NALCN: variants seen among roughly 807,000 people sequenced by gnomAD.
NALCN encodes sodium leak channel NALCN.
NALCN carries 111 observed loss-of-function variants against 225.3 expected under a neutral mutation model. The ratio of observed to expected loss-of-function variants is 0.49; its 90% CI spans 0.42 to 0.58. The LOEUF (loss-of-function observed/expected upper bound fraction) is 0.58, where lower values mean the gene tolerates loss of function less well. NALCN is among the 20% of genes least tolerant of loss of function. NALCN has a pLI of 0.00. For missense variants in NALCN, 1,378 were observed against 2,202.4 expected (o/e 0.63, Z 7.49); for synonymous variants, 764 against 769.0 (o/e 0.99, Z 0.11).
rs577872066 is a variant in NALCN at position 101,080,484 on chromosome 13, TATAA to T, written c.3885+1039_3885+1042del. ...TATTAAATTGTTAATAATTAAATTA[TATAA>T]ATAATTATAATTACATAAGTATAAT... On this transcript the variant is annotated intron_variant, in intron 34 of 43. Coordinates refer to ENST00000251127, the MANE Select transcript of NALCN (RefSeq NM_052867.4). Among the ~76,000 whole-genome samples the T allele has an allele frequency of 2.8e-3, 413 of 148,058 alleles. 2 individuals carry two copies. Among genetic ancestry groups the T allele is most frequent in the African/African-American group, 9.5e-3 (389 of 40,788 alleles).
intron 16 of NALCN, among the ~76,000 whole-genome samples, chr13:101,143,515 A>G (rs912411325): frequency 6.6e-6 from 1 of 150,714 alleles, no homozygotes; most frequent in African/African-American, 2.4e-5. Context: ...CCCAGGCTGG[A>G]GTGCAATGGT....
intron 27 of NALCN, among the ~76,000 whole-genome samples, chr13:101,098,328 G>T (rs112784062): frequency 1.8e-4 from 28 of 152,250 alleles, no homozygotes; most frequent in African/African-American, 6.7e-4. Context: ...TGATTGGACA[G>T]AAAATGCCAC....
At chr13:101,313,087 T>A in intron 7 of NALCN, among the ~76,000 whole-genome samples, 1 of 152,160 alleles carries the variant, frequency 6.6e-6, no homozygotes, top group African/African-American at 2.4e-5. Flanking sequence ...GGGGAAAGGA[T>A]TCCCTATTTA....
chr13:101,086,264 T>C (rs958728945), intron 30 of NALCN, among the ~76,000 whole-genome samples: 1 of 152,050 alleles, frequency 6.6e-6, no homozygotes, highest in African/African-American at 2.4e-5. Flanking sequence ...TTGATTTGGA[T>C]ATTTGACATA....
rs965124830 is a variant in NALCN at position 101,166,509 on chromosome 13, T to C, written c.1839+9791A>G. ...ATTAGTGATGTTGAACATCTTTTCA[T>C]CTACTTGGCCATTTGTATACCTTTT... is the stretch of plus-strand genomic sequence containing the variant. On this transcript the variant is annotated intron_variant, in intron 15 of 43. Transcript: ENST00000251127. Among the ~76,000 whole-genome samples the C allele has an allele frequency of 2.6e-5, 4 of 152,204 alleles. No homozygotes were observed. The East Asian group carries it at 7.7e-4, about 29-fold the overall frequency.
intron 17 of NALCN, among the ~76,000 whole-genome samples, chr13:101,138,703 C>A (rs1349909146): frequency 3.3e-5 from 5 of 152,216 alleles, no homozygotes; most frequent in Non-Finnish European, 7.3e-5. Context: ...CAGGTGAGAC[C>A]TTGACCTTGA....
At chr13:101,232,609 C>G (rs1250278314) in intron 12 of NALCN, among the ~76,000 whole-genome samples, 1 of 151,926 alleles carries the variant, frequency 6.6e-6, no homozygotes, top group Admixed American at 6.6e-5. Context: ...CCACACCCAG[C>G]TAATTTTTTT....
chr13:101,300,736 G>C (rs186032638), intron 7 of NALCN, among the ~76,000 whole-genome samples: 1 of 152,334 alleles, frequency 6.6e-6, no homozygotes, highest in East Asian at 1.9e-4. Context: ...CACCCAGCCT[G>C]AGGCTTGCCA....
intron 6 of NALCN, among the ~76,000 whole-genome samples, chr13:101,372,480 G>A (rs935905810): frequency 4.6e-5 from 7 of 152,006 alleles, no homozygotes; most frequent in Non-Finnish European, 7.4e-5. Flanking sequence ...ATTTCAAAAG[G>A]CTGAAATTTC....
rs184131231 is a variant in NALCN, at chr13:101,104,517, C to T, written c.2757+13G>A. The T allele has an allele frequency of 2.7e-5, 43 of 1,613,640 alleles. No individual in the cohort carries two copies. In the Middle Eastern group the frequency reaches 4.9e-4, roughly 19 times the overall value. Reference sequence around the variant, plus strand: ...CTAGTTGTAAGCTGAGATTTTGCAGCGGTAAGCGGTACCTGCAAAGTAGGT... The same window carrying T: ...CTAGTTGTAAGCTGAGATTTTGCAGTGGTAAGCGGTACCTGCAAAGTAGGT... On this transcript the variant is annotated intron_variant, in intron 24 of 43. Coordinates refer to ENST00000251127, the MANE Select transcript of NALCN (RefSeq NM_052867.4). The surrounding 1 kb of genome is among the most constrained non-coding windows in gnomAD (Gnocchi z 4.2).
intron 6 of NALCN, among the ~76,000 whole-genome samples, chr13:101,351,933 T>C (rs2045918724): frequency 6.6e-6 from 1 of 152,238 alleles, no homozygotes; most frequent in Non-Finnish European, 1.5e-5. Context: ...TCATGGCTTC[T>C]GGCACTGCAC....
chr13:101,178,383 C>T (rs141090553), intron 14 of NALCN, among the ~76,000 whole-genome samples: 6 of 152,254 alleles, frequency 3.9e-5, no homozygotes, highest in Non-Finnish European at 5.9e-5. Flanking sequence ...GGATCCTGTT[C>T]GCCTCCCTTT....
At chr13:101,191,487 G>A (rs1263820828) in intron 14 of NALCN, among the ~76,000 whole-genome samples, 2 of 152,056 alleles carry the variant, frequency 1.3e-5, no homozygotes, top group Non-Finnish European at 2.9e-5. Context: ...TTAACTGACT[G>A]CACCCTGAGG....
At chr13:101,279,741 C>T (rs896644067) in intron 10 of NALCN, among the ~76,000 whole-genome samples, 8 of 148,738 alleles carry the variant, frequency 5.4e-5, no homozygotes, top group Non-Finnish European at 9.0e-5. Flanking sequence ...GGCGTGAACC[C>T]GGGAGGCGGA....
chr13:101,093,523 G>A (rs1478722276), intron 28 of NALCN, among the ~76,000 whole-genome samples: 3 of 152,206 alleles, frequency 2.0e-5, no homozygotes, highest in Non-Finnish European at 2.9e-5. Flanking sequence ...TTGTGATGAT[G>A]TTCAAGGAAT....
At chr13:101,247,184 T>C (rs2041921844) in intron 11 of NALCN, among the ~76,000 whole-genome samples, 1 of 152,140 alleles carries the variant, frequency 6.6e-6, no homozygotes, top group South Asian at 2.1e-4. Context: ...TGGGTTTCTC[T>C]GCTAAGGAAA....
chr13:101,296,537 A>G (rs2043762499), intron 7 of NALCN, among the ~76,000 whole-genome samples: 1 of 152,228 alleles, frequency 6.6e-6, no homozygotes, highest in Admixed American at 6.5e-5. Flanking sequence ...AAGAACATTG[A>G]TACATTTAAA....
At chr13:101,337,556 C>T (rs917414292) in intron 7 of NALCN, among the ~76,000 whole-genome samples, 3 of 152,176 alleles carry the variant, frequency 2.0e-5, no homozygotes, top group African/African-American at 7.2e-5. Context: ...GATCTGCCTG[C>T]CTCAGCCTCC....
chr13:101,253,405 C>A (rs944190652), intron 11 of NALCN, among the ~76,000 whole-genome samples: 3 of 152,150 alleles, frequency 2.0e-5, no homozygotes, highest in African/African-American at 4.8e-5. Flanking sequence ...TTTAAAAGCT[C>A]ATGACCTGTT....
Sources: gnomAD v4.1 joint callset for allele counts (sites outside exome capture counted in the v4.1 genomes callset) on GRCh38, gnomAD v4.1.1 for gene constraint, Gnocchi (gnomAD v3.1) non-coding constraint, MANE v1.5 for transcripts, NCBI Gene and HGNC (gene_info 2026-07-23, HGNC 2026-07-21) for gene names.